The following PRKG1 variants were observed in gnomAD, a reference collection of about 807,000 sequenced individuals.
The protein encoded by PRKG1 is protein kinase cGMP-dependent 1.
Under a neutral mutation model 88.1 loss-of-function variants are expected in PRKG1, and 35 were observed. The observed-to-expected ratio is 0.40, with a 90% CI of 0.30 to 0.53. PRKG1 has a LOEUF of 0.53. PRKG1 is among the 20% of genes least tolerant of loss of function. PRKG1 has a pLI of 0.59. For synonymous variants in PRKG1, 303 were observed against 292.5 expected (o/e 1.04, Z -0.37); for missense variants, 540 against 839.8 (o/e 0.64, Z 4.41).
At chr10:52,099,550 C>G (rs1242912091) in intron 7 of PRKG1, among the ~76,000 whole-genome samples, 1 of 151,984 alleles carries the variant, frequency 6.6e-6, no homozygotes, top group Admixed American at 6.6e-5. Context: ...ACATGTAATC[C>G]TGGGAGGGGT....
At chr10:51,245,571 A>G (rs921710783) in intron 2 of PRKG1, 1 of 152,164 alleles carries the variant, frequency 6.6e-6, no homozygotes, top group Admixed American at 6.6e-5. Context: ...GTTAGACACC[A>G]GGCATGTAGC....
At chr10:51,365,184 G>A (rs1405510135) in intron 2 of PRKG1, among the ~76,000 whole-genome samples, 2 of 151,828 alleles carry the variant, frequency 1.3e-5, no homozygotes, top group Admixed American at 1.3e-4. Context: ...GCACATGGTA[G>A]GCACACAGTA....
intron 5 of PRKG1, among the ~76,000 whole-genome samples, chr10:51,920,536 A>G (rs1842441751): frequency 6.6e-6 from 1 of 152,144 alleles, no homozygotes; most frequent in Non-Finnish European, 1.5e-5. Context: ...GAATAGAGAT[A>G]GTGATCCTAC....
chr10:51,837,625 G>A (rs1197833590), intron 4 of PRKG1, among the ~76,000 whole-genome samples: 2 of 152,046 alleles, frequency 1.3e-5, no homozygotes, highest in Non-Finnish European at 2.9e-5. Context: ...ATCCTTCGTG[G>A]CTAGGGTAGG....
intron 2 of PRKG1, among the ~76,000 whole-genome samples, chr10:51,380,943 G>A (rs1358543337): frequency 6.6e-6 from 1 of 152,112 alleles, no homozygotes; most frequent in Non-Finnish European, 1.5e-5. Context: ...TGCCCTGGGT[G>A]TGCCTGCCTA....
intron 1 of PRKG1, among the ~76,000 whole-genome samples, chr10:51,084,017 C>T (rs556331711): frequency 4.9e-4 from 75 of 152,200 alleles, no homozygotes; most frequent in African/African-American, 1.7e-3. Context: ...ATCTTAGAAT[C>T]GGAGTCAGCA....
chr10:51,817,448 G>A (rs1381894924), intron 4 of PRKG1, among the ~76,000 whole-genome samples: 4 of 150,566 alleles, frequency 2.7e-5, no homozygotes, highest in South Asian at 2.1e-4. Flanking sequence ...AATATGCAGC[G>A]TTTGGTTTTC....
rs151111114 is a variant in PRKG1 at position 51,470,729 on chromosome 10, T to C, written c.592+2893T>C. 5.0e-3 allele frequency among the ~76,000 whole-genome samples: 753 copies of C among 152,020 alleles called. 2 individuals are homozygous for C. Among genetic ancestry groups the C allele is most frequent in the African/African-American group, 0.017 (716 of 41,530 alleles). ...GTACACCTGTGGATTTTTTCTAAGA[T>C]TAGGTTATCAAGAAGTAGTTTTCTT... On this transcript the variant is annotated intron_variant, in intron 3 of 17. Transcript: ENST00000373980.
intron 1 of PRKG1, among the ~76,000 whole-genome samples, chr10:51,086,752 A>G (rs971913785): frequency 6.6e-6 from 1 of 152,164 alleles, no homozygotes; most frequent in African/African-American, 2.4e-5. Context: ...AAAAACACTG[A>G]TCATCAAAGA....
intron 1 of PRKG1, among the ~76,000 whole-genome samples, chr10:51,127,799 C>T (rs7898748): frequency 0.79 from 120,875 of 152,122 alleles, 48,629 homozygotes; most frequent in South Asian, 0.88. Context: ...TGAGTTCATG[C>T]CCTTTGCAGG....
chr10:52,016,556 G>T (rs1845045167), intron 5 of PRKG1, among the ~76,000 whole-genome samples: 2 of 152,184 alleles, frequency 1.3e-5, no homozygotes, highest in Non-Finnish European at 2.9e-5. Flanking sequence ...AAAAGTGAAA[G>T]AACGACAGGC....
At chr10:51,209,330 T>A (rs1383305011) in intron 2 of PRKG1, among the ~76,000 whole-genome samples, 1 of 152,204 alleles carries the variant, frequency 6.6e-6, no homozygotes. Context: ...CTGTAATTCC[T>A]GTCCCCAGGC....
intron 3 of PRKG1, among the ~76,000 whole-genome samples, chr10:51,658,648 A>T (rs1314854091): frequency 1.3e-5 from 2 of 152,120 alleles, no homozygotes; most frequent in Non-Finnish European, 2.9e-5. Context: ...ATGAATTCTC[A>T]CTAAAGGATA....
At chr10:51,462,228 A>G (rs1839766783) in intron 2 of PRKG1, among the ~76,000 whole-genome samples, 1 of 152,182 alleles carries the variant, frequency 6.6e-6, no homozygotes, top group Non-Finnish European at 1.5e-5. Flanking sequence ...TTAATAGTCA[A>G]TCAAGTTGTC....
intron 9 of PRKG1, among the ~76,000 whole-genome samples, chr10:52,239,826 G>T (rs1279227501): frequency 6.6e-6 from 1 of 152,042 alleles, no homozygotes; most frequent in Non-Finnish European, 1.5e-5. Flanking sequence ...TAATAATTTT[G>T]TATACATATA....
At chr10:51,465,158 G>A (rs953186437) in intron 2 of PRKG1, among the ~76,000 whole-genome samples, 3 of 152,162 alleles carry the variant, frequency 2.0e-5, no homozygotes, top group East Asian at 3.9e-4. Flanking sequence ...CCTATGGGGC[G>A]AATATCTTAT....
rs1353871731 is a variant in PRKG1, at chr10:51,387,787, TCTC to T, written c.479-79931_479-79929del. 3.9e-5 allele frequency among the ~76,000 whole-genome samples: 6 copies of T among 152,300 alleles called. No individual in the cohort carries two copies. In the East Asian group the frequency reaches 7.7e-4, roughly 20 times the overall value. ...TTTCTACACATGGAGTCATTTCCCT[TCTC>T]CTCCATTATGTTCTAATATATTTCA... On this transcript the variant is annotated intron_variant, in intron 2 of 17. Coordinates refer to ENST00000373980, the MANE Select transcript of PRKG1 (RefSeq NM_006258.4).
intron 9 of PRKG1, among the ~76,000 whole-genome samples, chr10:52,167,382 G>A (rs1838512197): frequency 6.6e-6 from 1 of 152,016 alleles, no homozygotes; most frequent in Non-Finnish European, 1.5e-5. Context: ...CTCCCATCAG[G>A]CCCAACCTCC....
intron 5 of PRKG1, among the ~76,000 whole-genome samples, chr10:51,940,113 A>C (rs1241738508): frequency 6.6e-6 from 1 of 151,868 alleles, no homozygotes. Flanking sequence ...TTTTAGCTCT[A>C]TTCTTTTTTT....
Sources: gnomAD v4.1 joint callset for allele counts (sites outside exome capture counted in the v4.1 genomes callset) on GRCh38, gnomAD v4.1.1 for gene constraint, MANE v1.5 for transcripts, NCBI Gene and HGNC (gene_info 2026-07-23, HGNC 2026-07-21) for gene names.